Variants in NXN observed in about 807,000 individuals in gnomAD.
The protein encoded by NXN is nucleoredoxin, also known as nucleoredoxin 1.
In NXN, 16 loss-of-function variants were observed where a neutral mutation model predicts 48.6. The observed-to-expected ratio is 0.33, with a 90% CI of 0.22 to 0.50. NXN has a LOEUF of 0.50. Among genes scored for constraint, NXN ranks in the 20% least tolerant of loss-of-function variants. The pLI, the probability that NXN is intolerant of heterozygous loss-of-function variation, is 0.98. For synonymous variants in NXN, 281 were observed against 269.6 expected (o/e 1.04, Z -0.41); for missense variants, 492 against 605.5 (o/e 0.81, Z 1.97).
In NXN at chr17:808,820, A is replaced by G. The variant is rs550531081; in HGVS notation, c.821-3573T>C. 7.8e-4 allele frequency among the ~76,000 whole-genome samples: 118 copies of G among 151,106 alleles called. No individual in the cohort carries two copies. The Middle Eastern group carries it at 0.034, about 44-fold the overall frequency. ...TTCCCCAGTAGCTGGGATTACAGGC[A>G]CCCGCCACCACACCTGGCTCATTTT... On this transcript the variant is annotated intron_variant, in intron 5 of 7. Transcript: ENST00000336868.
At chr17:878,776 G>A (rs1384795090) in intron 1 of NXN, among the ~76,000 whole-genome samples, 1 of 152,154 alleles carries the variant, frequency 6.6e-6, no homozygotes, top group Non-Finnish European at 1.5e-5. Flanking sequence ...TTGGGTAGAT[G>A]CGTCAGTGAG....
intron 1 of NXN, among the ~76,000 whole-genome samples, chr17:889,792 AT>A (rs1698874306): frequency 6.6e-6 from 1 of 152,128 alleles, no homozygotes; most frequent in African/African-American, 2.4e-5. Context: ...GAGAAAAGAA[AT>A]GCAGACAGAT....
At chr17:831,204 A>G (rs967889622) in intron 1 of NXN, among the ~76,000 whole-genome samples, 3 of 151,918 alleles carry the variant, frequency 2.0e-5, no homozygotes, top group African/African-American at 7.3e-5. Flanking sequence ...TCACACCTGT[A>G]ATCCCAGCAC....
intron 1 of NXN, among the ~76,000 whole-genome samples, chr17:826,319 C>T (rs926954807): frequency 1.3e-5 from 2 of 152,104 alleles, no homozygotes; most frequent in African/African-American, 4.8e-5. Context: ...CCCACTGCCC[C>T]CCGGGGTCTG....
intron 1 of NXN, among the ~76,000 whole-genome samples, chr17:949,696 C>A (rs1157471105): frequency 8.2e-6 from 1 of 121,466 alleles, no homozygotes; most frequent in Non-Finnish European, 1.8e-5. Flanking sequence ...TCCTCTCCCC[C>A]CTGCCTCCTC....
chr17:855,103 C>T (rs1318578572), intron 1 of NXN, among the ~76,000 whole-genome samples: 1 of 151,960 alleles, frequency 6.6e-6, no homozygotes, highest in Non-Finnish European at 1.5e-5. Flanking sequence ...ATAGCAAGAC[C>T]CCATCTCTAC....
At chr17:927,638 G>A (rs1186595256) in intron 1 of NXN, among the ~76,000 whole-genome samples, 1 of 150,424 alleles carries the variant, frequency 6.6e-6, no homozygotes, top group Non-Finnish European at 1.5e-5. Context: ...GGAGCAGAAG[G>A]AGGCGGGCTC....
intron 1 of NXN, chr17:878,378 G>A (rs7212646): frequency 0.15 from 20,696 of 140,470 alleles, 1,700 homozygotes; most frequent in Middle Eastern, 0.21. Context: ...GTTTCGGGGC[G>A]GGGCAGGGGT....
At chr17:915,577 A>T (rs2068680429) in intron 1 of NXN, among the ~76,000 whole-genome samples, 1 of 152,158 alleles carries the variant, frequency 6.6e-6, no homozygotes, top group Non-Finnish European at 1.5e-5. Context: ...AAGACACCAC[A>T]CCTGGACTCT....
At chr17:862,272 T>TTGGGAGGCCAGGG (rs1251520068) in intron 1 of NXN, among the ~76,000 whole-genome samples, 1 of 152,188 alleles carries the variant, frequency 6.6e-6, no homozygotes, top group Non-Finnish European at 1.5e-5. Context: ...TCCCAGAGCT[T>TTGGGAGGCCAGGG]TGGGAGGCCA....
intron 7 of NXN, among the ~76,000 whole-genome samples, chr17:802,938 G>A (rs539512768): frequency 6.6e-6 from 1 of 151,646 alleles, no homozygotes; most frequent in Non-Finnish European, 1.5e-5. Flanking sequence ...CTGTCAGTCA[G>A]TGGGGTGGGG....
intron 1 of NXN, among the ~76,000 whole-genome samples, chr17:836,957 T>C (rs1056673112): frequency 7.4e-6 from 1 of 135,574 alleles, no homozygotes; most frequent in Non-Finnish European, 1.6e-5. Context: ...ACACCTAGCT[T>C]AGTTGCTATT....
chr17:851,396 G>A (rs2067922298), intron 1 of NXN, among the ~76,000 whole-genome samples: 2 of 152,386 alleles, frequency 1.3e-5, no homozygotes, highest in East Asian at 1.9e-4. Context: ...AGCGGGGGAC[G>A]GGAAGCAGAG....
At chr17:925,446 T>C (rs949801548) in intron 1 of NXN, among the ~76,000 whole-genome samples, 2 of 152,184 alleles carry the variant, frequency 1.3e-5, no homozygotes, top group African/African-American at 2.4e-5. Flanking sequence ...TGTAATGCAA[T>C]GGCGCGATCT....
chr17:864,300 C>A (rs143124004), intron 1 of NXN, among the ~76,000 whole-genome samples: 2 of 152,304 alleles, frequency 1.3e-5, no homozygotes, highest in East Asian at 3.9e-4. Flanking sequence ...AGTCTTAATC[C>A]ATTTCCTTCT....
intron 1 of NXN, among the ~76,000 whole-genome samples, chr17:963,537 G>T (rs2069264350): frequency 6.6e-6 from 1 of 152,136 alleles, no homozygotes; most frequent in Non-Finnish European, 1.5e-5. Flanking sequence ...AGGTGGCGGA[G>T]GTTGCAGTGA....
intron 5 of NXN, among the ~76,000 whole-genome samples, chr17:816,084 T>C (rs533891770): frequency 2.0e-5 from 3 of 152,146 alleles, no homozygotes; most frequent in Non-Finnish European, 4.4e-5. Flanking sequence ...TCGGTAACGC[T>C]TGGGAGAGAC....
intron 1 of NXN, among the ~76,000 whole-genome samples, chr17:899,371 G>C (rs890371225): frequency 6.6e-6 from 1 of 152,022 alleles, no homozygotes; most frequent in South Asian, 2.1e-4. Context: ...TGACGTGCTG[G>C]GTACAAAAAA....
intron 1 of NXN, among the ~76,000 whole-genome samples, chr17:863,628 T>C (rs1187367026): frequency 6.6e-6 from 1 of 152,148 alleles, no homozygotes; most frequent in Admixed American, 6.6e-5. Context: ...GCCCAGATAA[T>C]TTTTAATATT....
Sources: gnomAD v4.1 joint callset for allele counts (sites outside exome capture counted in the v4.1 genomes callset) on GRCh38, gnomAD v4.1.1 for gene constraint, MANE v1.5 for transcripts, NCBI Gene and HGNC (gene_info 2026-07-23, HGNC 2026-07-21) for gene names.